The following TMEM132C variants were observed in gnomAD, a reference collection of about 807,000 sequenced individuals.
TMEM132C encodes the protein transmembrane protein 132C.
A neutral mutation model predicts 61.4 loss-of-function variants in TMEM132C; 29 were observed. The observed-to-expected ratio is 0.47, with a 90% CI of 0.35 to 0.64. The LOEUF (loss-of-function observed/expected upper bound fraction) is 0.64, where lower values mean the gene tolerates loss of function less well. Ranked by LOEUF, TMEM132C falls within the 30% of genes least tolerant of loss-of-function variation. The pLI, the probability that TMEM132C is intolerant of heterozygous loss-of-function variation, is 0.00. For synonymous variants in TMEM132C, 656 were observed against 633.1 expected (o/e 1.04, Z -0.54); for missense variants, 1,408 against 1,476.9 (o/e 0.95, Z 0.76).
At position 128,706,717 on chromosome 12, in the gene TMEM132C, T is replaced by C. The variant is rs1407955043; in HGVS notation, c.*422T>C. 1 of 155,558 alleles carries C rather than the reference T, an allele frequency of 6.4e-6. No individual in the cohort carries two copies. The highest frequency in any genetic ancestry group is 1.4e-5 in the Non-Finnish European group (1 of 70,442). The allele number at this position is 155,558 out of a possible 1,614,324, so 9.6% of individuals were successfully genotyped here. ...AAAAATAGGACCTGCTAAGAGACAT[T>C]TTCCATTCTAATTCACGATTCACTT... On this transcript the variant is annotated 3_prime_UTR_variant, in exon 9 of 9. Transcript: ENST00000435159.
At chr12:128,553,800 A>G (rs889573934) in intron 3 of TMEM132C, among the ~76,000 whole-genome samples, 12 of 152,136 alleles carry the variant, frequency 7.9e-5, no homozygotes, top group Non-Finnish European at 1.8e-4. Context: ...CACACCCAAC[A>G]TAGAAATTGG....
At chr12:128,591,910 G>A (rs962932997) in intron 3 of TMEM132C, among the ~76,000 whole-genome samples, 1 of 151,994 alleles carries the variant, frequency 6.6e-6, no homozygotes, top group Non-Finnish European at 1.5e-5. Context: ...AAATTAGCCA[G>A]GCATGGTGGC....
At chr12:128,344,530 A>G (rs371005414) in intron 1 of TMEM132C, among the ~76,000 whole-genome samples, 3 of 152,138 alleles carry the variant, frequency 2.0e-5, no homozygotes, top group African/African-American at 7.2e-5. Context: ...TCCATCTTTA[A>G]CATTTTGGGG....
chr12:128,511,851 C>A (rs1872575957), intron 2 of TMEM132C, among the ~76,000 whole-genome samples: 1 of 152,310 alleles, frequency 6.6e-6, no homozygotes, highest in South Asian at 2.1e-4. Context: ...CCAGGGCCTC[C>A]TAGTGAACAA....
chr12:128,594,769 A>G (rs1209637783), intron 3 of TMEM132C, among the ~76,000 whole-genome samples: 2 of 152,248 alleles, frequency 1.3e-5, no homozygotes, highest in African/African-American at 4.8e-5. Context: ...AGTTTACTCT[A>G]AGACGAAATT....
intron 1 of TMEM132C, among the ~76,000 whole-genome samples, chr12:128,386,639 C>G (rs2398410): frequency 6.6e-6 from 1 of 152,030 alleles, no homozygotes; most frequent in Non-Finnish European, 1.5e-5. Flanking sequence ...TTGTTCTACA[C>G]GTGTGACAGG....
intron 2 of TMEM132C, among the ~76,000 whole-genome samples, chr12:128,519,179 T>G (rs1024030754): frequency 6.6e-6 from 1 of 152,222 alleles, no homozygotes; most frequent in African/African-American, 2.4e-5. Flanking sequence ...CTTTCCACAT[T>G]AGTACAGATA....
At chr12:128,600,824 C>A (rs755951096) in intron 3 of TMEM132C, among the ~76,000 whole-genome samples, 1 of 152,152 alleles carries the variant, frequency 6.6e-6, no homozygotes, top group Non-Finnish European at 1.5e-5. Context: ...GATGGATGGA[C>A]AAATGGATGA....
chr12:128,691,115 G>A (rs1387096094), intron 5 of TMEM132C, among the ~76,000 whole-genome samples: 4 of 152,218 alleles, frequency 2.6e-5, no homozygotes, highest in Non-Finnish European at 5.9e-5. Context: ...TATGCTAAGT[G>A]CTATGTGAGG....
intron 1 of TMEM132C, among the ~76,000 whole-genome samples, chr12:128,397,425 G>C (rs1303969234): frequency 2.0e-5 from 3 of 152,108 alleles, no homozygotes; most frequent in Non-Finnish European, 2.9e-5. Context: ...AACGGTCAGG[G>C]GCCTTCAGCA....
intron 3 of TMEM132C, among the ~76,000 whole-genome samples, chr12:128,603,834 G>A (rs1876294631): frequency 6.6e-6 from 1 of 152,010 alleles, no homozygotes; most frequent in South Asian, 2.1e-4. Flanking sequence ...CAAGCAGCAG[G>A]AGGCAAATTG....
At chr12:128,339,472 T>C (rs1014956347) in intron 1 of TMEM132C, among the ~76,000 whole-genome samples, 9 of 151,926 alleles carry the variant, frequency 5.9e-5, no homozygotes, top group Middle Eastern at 3.2e-3. Flanking sequence ...GATGTGCCTG[T>C]TCTGTTCGGT....
At position 128,326,815 on chromosome 12, in the gene TMEM132C, A is replaced by G. The variant is rs1433958789; in HGVS notation, c.85+59328A>G. ...CACAATATTTTTTTTTTCTTTCTTAACAACGTAGTAAAACAGCACTCAGGA... is the reference window on the plus strand; with the variant it reads ...CACAATATTTTTTTTTTCTTTCTTAGCAACGTAGTAAAACAGCACTCAGGA... On this transcript the variant is annotated intron_variant, in intron 1 of 8. Transcript: ENST00000435159. This position sits in a 1 kb window ranked among gnomAD's most constrained non-coding sequence, Gnocchi z 5.6. Among the ~76,000 whole-genome samples the G allele has an allele frequency of 1.4e-5, 2 of 140,238 alleles. No homozygotes were observed. Among genetic ancestry groups the G allele is most frequent in the Admixed American group, 1.3e-4 (2 of 14,842 alleles). 92.0% of individuals were successfully genotyped at this position (140,238 alleles called of 152,430 possible). A position where few individuals can be genotyped will look rare whatever the true frequency, so the allele number is the denominator to read the frequency against.
intron 4 of TMEM132C, among the ~76,000 whole-genome samples, chr12:128,650,464 C>T (rs903020268): frequency 3.9e-5 from 6 of 152,098 alleles, no homozygotes; most frequent in Non-Finnish European, 5.9e-5. Flanking sequence ...TGGCTCACAT[C>T]TGTAATCCCA....
At chr12:128,574,152 C>T (rs936666166) in intron 3 of TMEM132C, among the ~76,000 whole-genome samples, 1 of 152,216 alleles carries the variant, frequency 6.6e-6, no homozygotes, top group Non-Finnish European at 1.5e-5. Context: ...TTCCTTGCTC[C>T]TGGCAGATCT....
intron 1 of TMEM132C, among the ~76,000 whole-genome samples, chr12:128,394,872 A>C (rs1486922139): frequency 6.6e-6 from 1 of 150,894 alleles, no homozygotes; most frequent in Non-Finnish European, 1.5e-5. Context: ...TGTTAATTGC[A>C]CAGCTAATGT....
chr12:128,335,872 C>G (rs1480917196), intron 1 of TMEM132C, among the ~76,000 whole-genome samples: 1 of 152,184 alleles, frequency 6.6e-6, no homozygotes, highest in African/African-American at 2.4e-5. Context: ...CCCAGGTGTT[C>G]TTTCCGTTAC....
chr12:128,380,127 G>A (rs565005406), intron 1 of TMEM132C, among the ~76,000 whole-genome samples: 15 of 152,290 alleles, frequency 9.8e-5, no homozygotes, highest in Non-Finnish European at 1.3e-4. Flanking sequence ...TCTGATCACC[G>A]TATTAAAACA....
chr12:128,328,267 G>C (rs1379126872), intron 1 of TMEM132C, among the ~76,000 whole-genome samples: 1 of 152,098 alleles, frequency 6.6e-6, no homozygotes, highest in South Asian at 2.1e-4. Flanking sequence ...CTAATATCTA[G>C]ATGAGCTGGT....
Sources: allele counts gnomAD v4.1 joint callset (sites outside exome capture counted in the v4.1 genomes callset), GRCh38; gene constraint gnomAD v4.1.1; non-coding constraint Gnocchi (gnomAD v3.1); transcripts MANE v1.5; gene names NCBI Gene and HGNC (gene_info 2026-07-23, HGNC 2026-07-21).